Variants in RGL4 observed in about 807,000 individuals in gnomAD.
RGL4 encodes ral guanine nucleotide dissociation stimulator like 4.
RGL4 carries 41 observed loss-of-function variants against 49.6 expected under a neutral mutation model. That is an observed-to-expected ratio of 0.83 (90% CI 0.64 to 1.07). RGL4 has a LOEUF of 1.07. Among genes scored for constraint, RGL4 ranks in the 50% least tolerant of loss-of-function variants. RGL4 has a pLI of 0.00. For synonymous variants in RGL4, 255 were observed against 238.0 expected (o/e 1.07, Z -0.66); for missense variants, 610 against 591.9 (o/e 1.03, Z -0.32).
chr22:23,695,081 G>A (rs574583887), intron 6 of RGL4, 62 bp downstream of exon 6: 1 of 1,264,274 alleles, frequency 7.9e-7, no homozygotes. Context: ...GAGTGAGTTT[G>A]GAAGGGCATT....
intron 6 of RGL4, chr22:23,695,661 A>G (rs962083060): frequency 1.6e-5 from 5 of 320,330 alleles, no homozygotes; most frequent in Non-Finnish European, 3.1e-5. Context: ...CAGACACCCA[A>G]AAACGGTCAT....
intron 3 of RGL4, among the ~76,000 whole-genome samples, chr22:23,693,434 T>C (rs557878001): frequency 4.6e-5 from 7 of 152,228 alleles, no homozygotes; most frequent in East Asian, 1.9e-4. Context: ...AGAGGGCTGA[T>C]TGGGATGGGA....
In RGL4 at chr22:23,692,937, C is replaced by T; in HGVS notation, c.642C>T (p.Asp214=). The change falls in exon 3 of 11, where the codon GAC becomes GAT. Residue 214 remains aspartate, a synonymous_variant. Coordinates refer to ENST00000290691, the MANE Select transcript of RGL4 (RefSeq NM_153615.2). ...ACCAACCCAGTGAGGAGCTGCCTGA[C>T]ATGACGACCTTCCCTCCCAGGCTGC... The part of the protein sequence containing the change: ...VKNQPSEELP[D]MTTFPPRLLA... 6.2e-7 allele frequency: 1 copy of T among 1,612,986 alleles called. No homozygotes were observed. Among genetic ancestry groups the T allele is most frequent in the South Asian group, 1.1e-5 (1 of 91,066 alleles).
intron 10 of RGL4, 157 bp downstream of exon 10, chr22:23,698,490 A>G: frequency 3.5e-6 from 3 of 852,518 alleles, no homozygotes; most frequent in Non-Finnish European, 5.8e-6. Flanking sequence ...CAGCCTCCCA[A>G]GCAGCTGGGA....
At chr22:23,697,700 G>A in intron 8 of RGL4, 138 bp from the exon 9 acceptor site, 1 of 897,036 alleles carries the variant, frequency 1.1e-6, no homozygotes, top group Non-Finnish European at 1.8e-6. Context: ...AGAGCCCGGA[G>A]CCTGAGGCAG....
chr22:23,696,395 C>A, intron 6 of RGL4: 1 of 1,497,682 alleles, frequency 6.7e-7, no homozygotes, highest in Non-Finnish European at 9.0e-7. Context: ...TGTGAGGTAG[C>A]TGTGGTTTGC....
In RGL4 at chr22:23,691,879, C is replaced by A. The variant is rs936066627; in HGVS notation, c.-152C>A. The stretch of plus-strand genomic sequence containing the variant: ...TGTAAATGGAGACTTAGGTCCCCTG[C>A]AAAGCAGAGGGGAGGCTGGGGTCAC... On this transcript the variant is annotated 5_prime_UTR_variant, in exon 1 of 11. Coordinates refer to ENST00000290691, the MANE Select transcript of RGL4 (RefSeq NM_153615.2). 5.2e-4 allele frequency: 373 copies of A among 715,588 alleles called. 1 individual carries two copies. The highest frequency in any genetic ancestry group is 5.1e-4 in the East Asian group (19 of 37,040). 44.3% of individuals were successfully genotyped at this position (715,588 alleles called of 1,614,324 possible).
rs201655999 is a variant in RGL4, at chr22:23,698,825, C to T, written c.1383-19C>T. ...TGTGTGGCTCATGGTGGCCTCACAG[C>T]TGCTTCTCTGTCCTGCAGCTACAAG... On this transcript the variant is annotated intron_variant, in intron 10 of 10. Coordinates refer to ENST00000290691, the MANE Select transcript of RGL4 (RefSeq NM_153615.2). 3 of 1,606,090 alleles carry T rather than the reference C, an allele frequency of 1.9e-6. No individual in the cohort carries two copies. The highest frequency in any genetic ancestry group is 2.6e-6 in the Non-Finnish European group (3 of 1,176,330).
intron 7 of RGL4, among the ~76,000 whole-genome samples, chr22:23,696,954 A>G (rs1219650094): frequency 3.9e-5 from 6 of 152,202 alleles, no homozygotes; most frequent in African/African-American, 1.4e-4. Flanking sequence ...GTTAACAAGG[A>G]GTGCTTGCTA....
rs748361672 is a variant in RGL4 at position 23,694,451 on chromosome 22, G to C, written c.1016+1G>C. The C allele has an allele frequency of 6.2e-7, 1 of 1,604,906 alleles. No homozygotes were observed. The highest frequency in any genetic ancestry group is 8.5e-7 in the Non-Finnish European group (1 of 1,171,914). Reference sequence around the variant, plus strand: ...ACAAGACGTGGGCAGGAGTGTCCAGGTGAGGAGGGCTCTCTCCATGGCAGC... The same window carrying C: ...ACAAGACGTGGGCAGGAGTGTCCAGCTGAGGAGGGCTCTCTCCATGGCAGC... On this transcript the variant is annotated splice_donor_variant, in intron 5 of 10. Coordinates refer to ENST00000290691, the MANE Select transcript of RGL4 (RefSeq NM_153615.2). LOFTEE classifies it high-confidence loss of function.
At chr22:23,692,555 T>C (rs1221282369) in intron 2 of RGL4, 27 bp downstream of exon 2, 7 of 1,596,746 alleles carry the variant, frequency 4.4e-6, no homozygotes, top group Non-Finnish European at 6.0e-6. Flanking sequence ...TCTGCAAGAC[T>C]TTCCGGGGGT....
Position 23,698,964 on chromosome 22 carries a change from C to A in RGL4, c.*81C>A, listed in dbSNP as rs776714499. 4 of 1,577,726 alleles carry A rather than the reference C, an allele frequency of 2.5e-6. No individual in the cohort carries two copies. Among genetic ancestry groups the A allele is most frequent in the Non-Finnish European group, 3.4e-6 (4 of 1,161,476 alleles). On this transcript the variant is annotated 3_prime_UTR_variant, in exon 11 of 11. Transcript: ENST00000290691. ...GCTCTGCACCATCCCTCACCCAGAC[C>A]GTAGACACCAGGGAACCACATCTAG...
rs1251936478 is a variant in RGL4, at chr22:23,694,774, G to A, written c.1017-176G>A. On this transcript the variant is annotated intron_variant, in intron 5 of 10. Coordinates refer to ENST00000290691, the MANE Select transcript of RGL4 (RefSeq NM_153615.2). Reference sequence around the variant, plus strand: ...CATGTGAAGTGGAGATGGGGCCCAGGGGAGGAGCATGAGAGGTCCCACCCT... The same window carrying A: ...CATGTGAAGTGGAGATGGGGCCCAGAGGAGGAGCATGAGAGGTCCCACCCT... 9.5e-6 allele frequency: 6 copies of A among 634,464 alleles called. No individual in the cohort carries two copies. In the East Asian group the frequency reaches 1.6e-4, roughly 17 times the overall value. 39.3% of individuals were successfully genotyped at this position (634,464 alleles called of 1,614,324 possible).
chr22:23,693,153 T>C (rs1923249605), intron 3 of RGL4, 162 bp downstream of exon 3: 3 of 1,271,984 alleles, frequency 2.4e-6, no homozygotes, highest in African/African-American at 3.0e-5. Flanking sequence ...CCTGTCTGCA[T>C]GTGGACGGCA....
intron 7 of RGL4, 62 bp downstream of exon 7, chr22:23,696,750 C>G (rs1259531723): frequency 7.0e-7 from 1 of 1,434,066 alleles, no homozygotes; most frequent in Non-Finnish European, 9.6e-7. Context: ...CCCTTCCCCG[C>G]CAGCTGGAGG....
chr22:23,695,478 T>C (rs1375602926), intron 6 of RGL4: 11 of 510,012 alleles, frequency 2.2e-5, no homozygotes, highest in South Asian at 1.1e-4. Context: ...GCTGCTGCTG[T>C]CTGCAGCACA....
At chr22:23,693,106 G>A (rs1016497425) in intron 3 of RGL4, 115 bp downstream of exon 3, 10 of 1,438,564 alleles carry the variant, frequency 7.0e-6, no homozygotes, top group South Asian at 2.9e-5. Flanking sequence ...CTTACCAACC[G>A]TGGGATCTGG....
rs756644798 is a variant in RGL4 at position 23,692,377 on chromosome 22, T to C, written c.222T>C (p.Thr74=). The C allele has an allele frequency of 1.2e-6, 2 of 1,614,142 alleles. No homozygotes were observed. The highest frequency in any genetic ancestry group is 1.7e-6 in the Non-Finnish European group (2 of 1,180,026). The change falls in exon 2 of 11, where the codon ACT becomes ACC. Residue 74 remains threonine, a synonymous_variant. Coordinates refer to ENST00000290691, the MANE Select transcript of RGL4 (RefSeq NM_153615.2). ...SILFNWPPEN[T]SVYYQPPQRS... ...TGTTCAACTGGCCCCCCGAAAACAC[T>C]TCAGTTTACTATCAGCCCCCGCAAC... is the stretch of plus-strand genomic sequence containing the variant.
intron 10 of RGL4, 188 bp from the exon 11 acceptor site, chr22:23,698,656 C>G: frequency 1.3e-6 from 1 of 788,962 alleles, no homozygotes; most frequent in South Asian, 1.6e-5. Context: ...GTGTGAGCCA[C>G]CCCACCTGGC....
Sources: gnomAD v4.1 joint callset for allele counts (sites outside exome capture counted in the v4.1 genomes callset) on GRCh38, gnomAD v4.1.1 for gene constraint, MANE v1.5 for transcripts, NCBI Gene and HGNC (gene_info 2026-07-23, HGNC 2026-07-21) for gene names.